ADAT2: variants seen among roughly 807,000 people sequenced by gnomAD.
ADAT2 encodes the protein adenosine deaminase tRNA specific 2, also known as tRNA-specific adenosine-34 deaminase catalytic subunit ADAT2.
ADAT2 carries 26 observed loss-of-function variants against 25.9 expected under a neutral mutation model. The observed-to-expected ratio is 1.00, with a 90% CI of 0.74 to 1.39. ADAT2 has a LOEUF of 1.39. Among genes scored for constraint, ADAT2 ranks in the 40% most tolerant of loss-of-function variants. The pLI is 0.00. For missense variants in ADAT2, 220 were observed against 244.8 expected, an observed-to-expected ratio of 0.90 and a Z score of 0.68; for synonymous variants, 76 against 86.8, an observed-to-expected ratio of 0.88 and a Z score of 0.69.
intron 4 of ADAT2, among the ~76,000 whole-genome samples, chr6:143,429,563 AGAAGCCT>A (rs1779048384): frequency 6.6e-6 from 1 of 152,218 alleles, no homozygotes. Context: ...AAGGGCAAGA[AGAAGCCT>A]GGGTTGTGTG....
intron 1 of ADAT2, chr6:143,445,064 T>G: frequency 1.6e-6 from 1 of 644,946 alleles, no homozygotes; most frequent in Admixed American, 3.0e-5. Flanking sequence ...TATAACTGTT[T>G]CTGCTAATTA....
Position 143,423,960 on chromosome 6 carries a change from G to A in ADAT2, c.*4503C>T, listed in dbSNP as rs1778854894. ...AAGTTTGGTCAAGGAGAGAGCCTTT[G>A]TCAAACTACACCATGAAGCCTCCTT... On this transcript the variant is annotated 3_prime_UTR_variant, in exon 6 of 6. Coordinates refer to ENST00000237283, the MANE Select transcript of ADAT2 (RefSeq NM_182503.3). The A allele has an allele frequency of 1.3e-5, 2 of 152,170 alleles. No homozygotes were observed. Among genetic ancestry groups the A allele is most frequent in the Non-Finnish European group, 2.9e-5 (2 of 68,034 alleles). The allele number at this position is 152,170 out of a possible 1,614,324, so 9.4% of individuals were successfully genotyped here.
chr6:143,435,511 A>G (rs1779246154), intron 2 of ADAT2, among the ~76,000 whole-genome samples: 1 of 147,060 alleles, frequency 6.8e-6, no homozygotes, highest in Non-Finnish European at 1.5e-5. Context: ...ATTTCAGCAT[A>G]TAGAAGAAAC....
intron 1 of ADAT2, among the ~76,000 whole-genome samples, chr6:143,445,133 T>C (rs1583990766): frequency 6.6e-6 from 1 of 151,608 alleles, no homozygotes; most frequent in South Asian, 2.1e-4. Context: ...TAGTTTAACT[T>C]TGGGGATTTA....
chr6:143,439,477 C>T (rs1779394268), intron 1 of ADAT2, among the ~76,000 whole-genome samples: 1 of 152,082 alleles, frequency 6.6e-6, no homozygotes, highest in African/African-American at 2.4e-5. Flanking sequence ...CAAACTGTGT[C>T]CTATTCATAT....
chr6:143,434,380 C>G lies in ADAT2; in HGVS notation c.202-399G>C, dbSNP rs992177711. Among the ~76,000 whole-genome samples the G allele has an allele frequency of 3.3e-5, 5 of 152,210 alleles. No individual in the cohort carries two copies. Among genetic ancestry groups the G allele is most frequent in the African/African-American group, 1.2e-4 (5 of 41,452 alleles). ...TCTAGTTTCAAATATATTTTCAAGG[C>G]TGTCACTGACCTCACTCCAAGCAAA... On this transcript the variant is annotated intron_variant, in intron 2 of 5. Coordinates refer to ENST00000237283, the MANE Select transcript of ADAT2 (RefSeq NM_182503.3). The surrounding 1 kb of genome is among the most constrained non-coding windows in gnomAD (Gnocchi z 4.5).
At chr6:143,448,393 A>G (rs1298991003) in intron 1 of ADAT2, among the ~76,000 whole-genome samples, 2 of 152,164 alleles carry the variant, frequency 1.3e-5, no homozygotes, top group Non-Finnish European at 2.9e-5. Flanking sequence ...CTAGAACTTA[A>G]AGTATAATAA....
In ADAT2 at chr6:143,427,755, G is replaced by GT. The variant is rs1471860115; in HGVS notation, c.*707dup. 2.0e-5 allele frequency: 3 copies of GT among 151,880 alleles called. 1 individual carries two copies. Among genetic ancestry groups the GT allele is most frequent in the Admixed American group, 6.6e-5 (1 of 15,240 alleles). The allele number at this position is 151,880 out of a possible 1,614,324, so 9.4% of individuals were successfully genotyped here. A position where few individuals can be genotyped will look rare whatever the true frequency, so the allele number is the denominator to read the frequency against. On this transcript the variant is annotated 3_prime_UTR_variant, in exon 6 of 6. Coordinates refer to ENST00000237283, the MANE Select transcript of ADAT2 (RefSeq NM_182503.3). ...AGCTCCATGAGGGTGGGATAATTTG[G>GT]TTTTTTGCTCAATAACAATTGTCCC...
chr6:143,443,150 A>ATT (rs11440192), intron 1 of ADAT2, among the ~76,000 whole-genome samples: 4,314 of 151,464 alleles, frequency 0.028, 111 homozygotes, highest in African/African-American at 0.057. Flanking sequence ...GCACAGGGAG[A>ATT]TTTTTTTTTA....
chr6:143,434,405 A>G lies in ADAT2; in HGVS notation c.202-424T>C, dbSNP rs1176056895. Among the ~76,000 whole-genome samples, 2 of 152,222 alleles carry G rather than the reference A, an allele frequency of 1.3e-5. No homozygotes were observed. Among genetic ancestry groups the G allele is most frequent in the African/African-American group, 2.4e-5 (1 of 41,466 alleles). ...CTGTCACTGACCTCACTCCAAGCAAATCTACATTAAGTTCACTGGAATGTC... is the reference window on the plus strand; with the variant it reads ...CTGTCACTGACCTCACTCCAAGCAAGTCTACATTAAGTTCACTGGAATGTC... On this transcript the variant is annotated intron_variant, in intron 2 of 5. Coordinates refer to ENST00000237283, the MANE Select transcript of ADAT2 (RefSeq NM_182503.3). The surrounding 1 kb of genome is among the most constrained non-coding windows in gnomAD (Gnocchi z 4.5).
intron 4 of ADAT2, among the ~76,000 whole-genome samples, chr6:143,429,644 T>A (rs920856806): frequency 2.0e-5 from 3 of 151,952 alleles, no homozygotes; most frequent in African/African-American, 7.3e-5. Flanking sequence ...AGACAAAAAA[T>A]TGGGGTAAAA....
In ADAT2 at chr6:143,444,857, T is replaced by C. The variant is rs45548431; in HGVS notation, c.96+5706A>G. ...AGAGACTTCGTAGTTTATTATTTTC[T>C]CCAAAGACATTACTACTATAAACTG... On this transcript the variant is annotated intron_variant, in intron 1 of 5. Coordinates refer to ENST00000237283, the MANE Select transcript of ADAT2 (RefSeq NM_182503.3). This position sits in a 1 kb window ranked among gnomAD's most constrained non-coding sequence, Gnocchi z 4.3. 1.4e-6 allele frequency: 1 copy of C among 699,244 alleles called. No homozygotes were observed. The highest frequency in any genetic ancestry group is 1.9e-6 in the Non-Finnish European group (1 of 524,474). The allele number at this position is 699,244 out of a possible 1,614,324, so 43.3% of individuals were successfully genotyped here.
At chr6:143,445,954 C>G (rs73778387) in intron 1 of ADAT2, among the ~76,000 whole-genome samples, 32 of 151,866 alleles carry the variant, frequency 2.1e-4, no homozygotes, top group African/African-American at 7.7e-4. Flanking sequence ...TTCTAGAAAA[C>G]TTGCAACATT....
intron 2 of ADAT2, among the ~76,000 whole-genome samples, chr6:143,438,010 A>G (rs996253056): frequency 6.6e-6 from 1 of 152,222 alleles, no homozygotes; most frequent in Non-Finnish European, 1.5e-5. Context: ...TACATGCTAC[A>G]TGTAGCTACA....
rs1475263784 is a variant in ADAT2 at position 143,431,469 on chromosome 6, T to C, written c.459+1036A>G. Among the ~76,000 whole-genome samples, 5 of 152,230 alleles carry C rather than the reference T, an allele frequency of 3.3e-5. 1 individual carries two copies. The South Asian group carries it at 6.2e-4, about 19-fold the overall frequency. ...AAATTTGAGCTACTAACAGAAGTGA[T>C]TGGAAAAATCAAATCACTTTCTAAA... On this transcript the variant is annotated intron_variant, in intron 4 of 5. Transcript: ENST00000237283.
intron 3 of ADAT2, 55 bp downstream of exon 3, chr6:143,433,776 A>G: frequency 1.3e-6 from 2 of 1,510,412 alleles, no homozygotes; most frequent in Non-Finnish European, 1.8e-6. Context: ...GTGTTTGGCC[A>G]CTCTCTTGTT....
At chr6:143,441,887 C>T (rs1282816026) in intron 1 of ADAT2, 2 of 152,106 alleles carry the variant, frequency 1.3e-5, no homozygotes, top group East Asian at 1.9e-4. Context: ...TAAAGTGAAA[C>T]GTAAAAACAA....
chr6:143,441,749 A>G (rs1024247765), intron 1 of ADAT2: 1 of 152,232 alleles, frequency 6.6e-6, no homozygotes, highest in Non-Finnish European at 1.5e-5. Context: ...CAAAAGACAG[A>G]CATTTCACCA....
At position 143,423,297 on chromosome 6, in the gene ADAT2, A is replaced by T. The variant is rs1778835773; in HGVS notation, c.*5166T>A. 6.6e-6 allele frequency: 1 copy of T among 152,258 alleles called. No individual in the cohort carries two copies. Among genetic ancestry groups the T allele is most frequent in the African/African-American group, 2.4e-5 (1 of 41,468 alleles). The allele number at this position is 152,258 out of a possible 1,614,324, so 9.4% of individuals were successfully genotyped here. ...TCATCCAATGTAACTTTATTTATGG[A>T]CACTGAAATTTGATTGCCATATAAG... On this transcript the variant is annotated 3_prime_UTR_variant, in exon 6 of 6. Coordinates refer to ENST00000237283, the MANE Select transcript of ADAT2 (RefSeq NM_182503.3).
Sources: allele counts gnomAD v4.1 joint callset (sites outside exome capture counted in the v4.1 genomes callset), GRCh38; gene constraint gnomAD v4.1.1; non-coding constraint Gnocchi (gnomAD v3.1); transcripts MANE v1.5; gene names NCBI Gene and HGNC (gene_info 2026-07-23, HGNC 2026-07-21).